PPP6R1: variants seen among roughly 807,000 people sequenced by gnomAD.
The protein encoded by PPP6R1 is protein phosphatase 6 regulatory subunit 1, also known as serine/threonine-protein phosphatase 6 regulatory subunit 1.
Under a neutral mutation model 104.6 loss-of-function variants are expected in PPP6R1, and 39 were observed. The observed-to-expected ratio is 0.37, with a 90% CI of 0.29 to 0.49. The LOEUF is 0.49. PPP6R1 is among the 20% of genes least tolerant of loss of function. PPP6R1 has a pLI of 0.98. For missense variants in PPP6R1, 1,181 were observed against 1,155.8 expected, an observed-to-expected ratio of 1.02 and a Z score of -0.32; for synonymous variants, 549 against 479.0, an observed-to-expected ratio of 1.15 and a Z score of -1.91.
intron 17 of PPP6R1, among the ~76,000 whole-genome samples, chr19:55,235,142 A>C: frequency 6.6e-6 from 1 of 152,116 alleles, no homozygotes; most frequent in Non-Finnish European, 1.5e-5. Context: ...CTTAGTGTTC[A>C]GGCTGTCAAA....
intron 1 of PPP6R1, chr19:55,255,617 G>C (rs1477682646): frequency 6.6e-6 from 1 of 152,344 alleles, no homozygotes; most frequent in African/African-American, 2.4e-5. Flanking sequence ...CGGGTGCCGA[G>C]TGATTCCCAC....
intron 1 of PPP6R1, among the ~76,000 whole-genome samples, chr19:55,252,374 T>G (rs1310318227): frequency 7.0e-6 from 1 of 142,860 alleles, no homozygotes; most frequent in Admixed American, 7.1e-5. Flanking sequence ...GGACTACAGG[T>G]GCGCACCACC....
rs1303543521 is a variant in PPP6R1 at position 55,240,999 on chromosome 19, C to T, written c.1242G>A (p.Gly414=). The part of the protein sequence containing the change: ...EGCVSTMLSL[G]PPPDSSPETP... ...TCTCAGGGCTGCTGTCAGGAGGTGG[C>T]CCCAAGCTCAGCATGGTGCTCACGC... The change falls in exon 10 of 24, where the codon GGG becomes GGA. Residue 414 remains glycine, a synonymous_variant. Transcript: ENST00000412770. 2 of 1,595,834 alleles carry T rather than the reference C, an allele frequency of 1.3e-6. No homozygotes were observed. The highest frequency in any genetic ancestry group is 3.5e-5 in the Admixed American group (2 of 57,240).
rs1325877292 is a variant in PPP6R1 at position 55,230,648 on chromosome 19, G to A, written c.2607C>T (p.Gly869=). ...GGGATGCAGGCCCTTCCGGGGCAGAGCCATTGGGTATCGGAGGAGGCGTGA... is the reference window on the plus strand; with the variant it reads ...GGGATGCAGGCCCTTCCGGGGCAGAACCATTGGGTATCGGAGGAGGCGTGA... The part of the protein sequence containing the change: ...QALTPPPIPN[G]SAPEGPASPG... The change falls in exon 23 of 24, where the codon GGC becomes GGT. Residue 869 remains glycine, a synonymous_variant. Transcript: ENST00000412770. The A allele has an allele frequency of 1.9e-6, 3 of 1,609,726 alleles. No individual in the cohort carries two copies. The highest frequency in any genetic ancestry group is 1.7e-4 in the Middle Eastern group (1 of 5,974).
chr19:55,241,716 C>CTGG lies in PPP6R1; in HGVS notation c.846-78_846-77insCCA. The CTGG allele has an allele frequency of 6.9e-7, 1 of 1,441,400 alleles. No individual in the cohort carries two copies. The highest frequency in any genetic ancestry group is 2.5e-5 in the East Asian group (1 of 39,888). 89.3% of individuals were successfully genotyped at this position (1,441,400 alleles called of 1,614,324 possible). ...CACACAGGAGTAGGCACAAGGACCA[C>CTGG]GTCTGCAGGGTCTGGAGGAAAACGA... On this transcript the variant is annotated intron_variant, in intron 7 of 23. Transcript: ENST00000412770. The surrounding 1 kb of genome is among the most constrained non-coding windows in gnomAD (Gnocchi z 5.4).
chr19:55,236,605 G>C, intron 17 of PPP6R1, 38 bp downstream of exon 17: 3 of 1,484,910 alleles, frequency 2.0e-6, no homozygotes, highest in East Asian at 2.4e-5. Flanking sequence ...CTGCCGTGTG[G>C]TGGAAGCTTG....
At chr19:55,252,742 T>G (rs954655114) in intron 1 of PPP6R1, among the ~76,000 whole-genome samples, 5 of 152,124 alleles carry the variant, frequency 3.3e-5, no homozygotes, top group Non-Finnish European at 5.9e-5. Flanking sequence ...TTCACCACGT[T>G]GGCCAGGCTG....
chr19:55,235,330 T>C (rs1860246140), intron 17 of PPP6R1, among the ~76,000 whole-genome samples: 1 of 152,050 alleles, frequency 6.6e-6, no homozygotes, highest in African/African-American at 2.4e-5. Context: ...GGGACCATCT[T>C]ACCCCCCTTT....
chr19:55,234,237 G>A (rs969074173), intron 17 of PPP6R1, among the ~76,000 whole-genome samples: 8 of 152,118 alleles, frequency 5.3e-5, no homozygotes, highest in Non-Finnish European at 8.8e-5. Flanking sequence ...GTGAGCCACC[G>A]TGCCCAACAA....
chr19:55,239,324 G>A (rs565736800), intron 15 of PPP6R1, 81 bp downstream of exon 15: 63 of 1,363,776 alleles, frequency 4.6e-5, no homozygotes, highest in East Asian at 3.7e-4. Flanking sequence ...ATGTAGGTGC[G>A]TGCAGGGGAC....
Position 55,242,427 on chromosome 19 carries a change from A to T in PPP6R1, c.680T>A (p.Ile227Asn). Reference sequence around the variant, plus strand: ...AGGCTCTGGGCTGTCCTGGACTTGGATCATCTGCTCCCGGCTCAGGCGGAT... The same window carrying T: ...AGGCTCTGGGCTGTCCTGGACTTGGTTCATCTGCTCCCGGCTCAGGCGGAT... The part of the protein sequence containing the change: ...DIIRLSREQM[I>N]QVQDSPEPDQ... Residue 227 changes from isoleucine to asparagine, a missense_variant, in exon 6 of 24, where the codon ATC becomes AAC. Physicochemically the swap from Ile to Asn is moderately radical, Grantham distance 149. Around this residue, in one of 2 missense-constraint regions of PPP6R1, gnomAD observed 1,042 missense variants for 955.6 expected, o/e 1.09. Transcript: ENST00000412770. The T allele has an allele frequency of 6.2e-7, 1 of 1,613,968 alleles. No homozygotes were observed. Among genetic ancestry groups the T allele is most frequent in the Non-Finnish European group, 8.5e-7 (1 of 1,179,870 alleles).
At position 55,256,547 on chromosome 19, in the gene PPP6R1, A is replaced by G. The variant is rs560412148; in HGVS notation, c.-7+1888T>C. On this transcript the variant is annotated intron_variant, in intron 1 of 23. Transcript: ENST00000412770. The stretch of plus-strand genomic sequence containing the variant: ...AAAGAACGGCCAGGTGTGGTGGTCC[A>G]TGCCTATAATCCCAGCTCTCTGGGA... Among the ~76,000 whole-genome samples the G allele has an allele frequency of 2.6e-5, 4 of 152,352 alleles. No homozygotes were observed. The East Asian group carries it at 7.7e-4, about 29-fold the overall frequency.
At chr19:55,236,525 C>G in intron 17 of PPP6R1, 118 bp downstream of exon 17, 1 of 1,159,886 alleles carries the variant, frequency 8.6e-7, no homozygotes, top group Non-Finnish European at 1.2e-6. Context: ...ATACACACAC[C>G]AATGCAGGTT....
Position 55,241,241 on chromosome 19 carries a change from G to T in PPP6R1, c.1159C>A (p.Leu387Met). ...LLALDVPNTM[L>M]DLFFHYVFNN... is the part of the protein sequence containing the mutation. ...CCAGCCCGGTCCAGTCCCCGCACCA[G>T]CATGGTGTTGGGCACGTCCAGTGCC... Residue 387 changes from leucine to methionine, a missense_variant and splice_region_variant, in exon 9 of 24, where the codon CTG becomes ATG. Leu to Met is a conservative substitution (Grantham distance 15). Around this residue, in one of 2 missense-constraint regions of PPP6R1, gnomAD observed 1,042 missense variants for 955.6 expected, o/e 1.09. Coordinates refer to ENST00000412770, the MANE Select transcript of PPP6R1 (RefSeq NM_014931.4). This position sits in a 1 kb window ranked among gnomAD's most constrained non-coding sequence, Gnocchi z 5.4. 1 of 1,482,288 alleles carries T rather than the reference G, an allele frequency of 6.7e-7. No individual in the cohort carries two copies. The allele number at this position is 1,482,288 out of a possible 1,614,324, so 91.8% of individuals were successfully genotyped here.
intron 1 of PPP6R1, among the ~76,000 whole-genome samples, chr19:55,256,908 T>C (rs4806654): frequency 0.14 from 21,092 of 151,966 alleles, 2,267 homozygotes; most frequent in African/African-American, 0.3. Flanking sequence ...ACTTAATCCC[T>C]AGATCCACCC....
intron 10 of PPP6R1, 109 bp from the exon 11 acceptor site, chr19:55,240,409 G>A (rs535949816): frequency 2.0e-5 from 22 of 1,101,978 alleles, no homozygotes; most frequent in African/African-American, 9.3e-5. Flanking sequence ...CCAGGCCCCC[G>A]CTCATCCAGA....
rs1568953715 is a variant in PPP6R1 at position 55,258,579 on chromosome 19, T to TCCGCGCAGGCGCC, written c.-152_-151insGGCGCCTGCGCGG. On this transcript the variant is annotated 5_prime_UTR_variant, in exon 1 of 24. Coordinates refer to ENST00000412770, the MANE Select transcript of PPP6R1 (RefSeq NM_014931.4). ...CGGGGACTCGCGCAGGCGCCGGGGCTCGCGGGGTCCGCGCAGGCGCCCGCG... is the reference window on the plus strand; with the variant it reads ...CGGGGACTCGCGCAGGCGCCGGGGCTCCGCGCAGGCGCCCGCGGGGTCCGCGCAGGCGCCCGCG... The TCCGCGCAGGCGCC allele has an allele frequency of 1.3e-5, 2 of 148,222 alleles. No individual in the cohort carries two copies. Among genetic ancestry groups the TCCGCGCAGGCGCC allele is most frequent in the African/African-American group, 5.0e-5 (2 of 39,906 alleles). The allele number at this position is 148,222 out of a possible 1,614,324, so 9.2% of individuals were successfully genotyped here.
intron 1 of PPP6R1, among the ~76,000 whole-genome samples, chr19:55,255,351 C>G (rs1033767302): frequency 5.3e-5 from 8 of 152,202 alleles, no homozygotes; most frequent in African/African-American, 1.9e-4. Context: ...TTTGGAAAAA[C>G]AGAAAGGGGC....
chr19:55,253,295 T>C (rs1406972391), intron 1 of PPP6R1, among the ~76,000 whole-genome samples: 1 of 152,240 alleles, frequency 6.6e-6, no homozygotes, highest in African/African-American at 2.4e-5. Context: ...AGGCTTCCAG[T>C]GTGCCCTGGT....
Sources: gnomAD v4.1 joint callset for allele counts (sites outside exome capture counted in the v4.1 genomes callset) on GRCh38, gnomAD v4.1.1 for gene constraint, gnomAD v4.1.1 regional missense constraint, Gnocchi (gnomAD v3.1) non-coding constraint, MANE v1.5 for transcripts, NCBI Gene and HGNC (gene_info 2026-07-23, HGNC 2026-07-21) for gene names.